TMEM132C: variants seen among roughly 807,000 people sequenced by gnomAD.
TMEM132C encodes the protein protein phosphatase 1, regulatory subunit 152.
In TMEM132C, 29 loss-of-function variants were observed where a neutral mutation model predicts 61.4. The observed-to-expected ratio is 0.47, with a 90% CI of 0.35 to 0.64. The LOEUF is 0.64. Among genes scored for constraint, TMEM132C ranks in the 30% least tolerant of loss-of-function variants. The pLI is 0.00. For synonymous variants in TMEM132C, 656 were observed against 633.1 expected (o/e 1.04, Z -0.54); for missense variants, 1,408 against 1,476.9 (o/e 0.95, Z 0.76).
chr12:128,489,562 CATAT>C (rs10654008), intron 2 of TMEM132C, among the ~76,000 whole-genome samples: 5 of 138,346 alleles, frequency 3.6e-5, no homozygotes, highest in South Asian at 2.4e-4. Flanking sequence ...TTTATATGCT[CATAT>C]ATATATATAT....
chr12:128,512,245 T>C (rs1872589104), intron 2 of TMEM132C, among the ~76,000 whole-genome samples: 1 of 152,162 alleles, frequency 6.6e-6, no homozygotes, highest in South Asian at 2.1e-4. Context: ...GTGCACCTGC[T>C]CCTGGAAGAG....
Position 128,706,129 on chromosome 12 carries a change from T to A in TMEM132C, c.3161T>A (p.Val1054Glu). 1 of 1,551,466 alleles carries A rather than the reference T, an allele frequency of 6.4e-7. No individual in the cohort carries two copies. Among genetic ancestry groups the A allele is most frequent in the Non-Finnish European group, 8.7e-7 (1 of 1,146,948 alleles). Reference sequence around the variant, plus strand: ...TCGCCCACCTCCAAGAGGAAGAAGGTGAAATTTACCACCTTTACCACCATC... The same window carrying A: ...TCGCCCACCTCCAAGAGGAAGAAGGAGAAATTTACCACCTTTACCACCATC... ...LHSPTSKRKKVKFTTFTTIPP... is the reference protein window; with the variant it reads ...LHSPTSKRKKEKFTTFTTIPP... Residue 1054 changes from valine to glutamate, a missense_variant, in exon 9 of 9, where the codon GTG (valine) becomes GAG (glutamate). Transcript: ENST00000435159.
chr12:128,283,337 T>C (rs1453834672), intron 1 of TMEM132C, among the ~76,000 whole-genome samples: 1 of 152,172 alleles, frequency 6.6e-6, no homozygotes, highest in Non-Finnish European at 1.5e-5. Flanking sequence ...AGTTTTGGAA[T>C]CAGTTCAGTT....
At chr12:128,702,086 G>C (rs1376026963) in intron 8 of TMEM132C, among the ~76,000 whole-genome samples, 1 of 151,808 alleles carries the variant, frequency 6.6e-6, no homozygotes, top group East Asian at 1.9e-4. Context: ...TTTTTGTAGA[G>C]ATGGGGTTTC....
chr12:128,543,287 C>T (rs1201423623), intron 2 of TMEM132C, among the ~76,000 whole-genome samples: 2 of 152,164 alleles, frequency 1.3e-5, no homozygotes, highest in African/African-American at 2.4e-5. Context: ...AATCTCTTTA[C>T]ATCTATTTAA....
Position 128,425,219 on chromosome 12 carries a change from G to A in TMEM132C, c.974+9599G>A, listed in dbSNP as rs140935066. 1.1e-3 allele frequency among the ~76,000 whole-genome samples: 175 copies of A among 152,328 alleles called. 1 individual carries two copies. Among genetic ancestry groups the A allele is most frequent in the Non-Finnish European group, 2.1e-3 (142 of 68,034 alleles). ...AAGACACTATCTCCATGATGCAGAC[G>A]CAGTTCTGATGCAAACTCCCCACCT... On this transcript the variant is annotated intron_variant, in intron 2 of 8. Transcript: ENST00000435159.
chr12:128,665,290 C>A (rs1021779827), intron 4 of TMEM132C, among the ~76,000 whole-genome samples: 1 of 135,854 alleles, frequency 7.4e-6, no homozygotes, highest in Admixed American at 6.9e-5. Context: ...CACACACAGG[C>A]ACTCACACAT....
At chr12:128,546,250 C>G (rs78587986) in intron 3 of TMEM132C, among the ~76,000 whole-genome samples, 5,708 of 152,216 alleles carry the variant, frequency 0.037, 134 homozygotes, top group Non-Finnish European at 0.044. Flanking sequence ...TCCCTTGTTC[C>G]AAGCAGGAGA....
chr12:128,581,356 T>C (rs1875328932), intron 3 of TMEM132C, among the ~76,000 whole-genome samples: 1 of 152,120 alleles, frequency 6.6e-6, no homozygotes, highest in Non-Finnish European at 1.5e-5. Context: ...TGAACAAATG[T>C]GCAGCATATG....
chr12:128,575,531 G>A (rs371607024), intron 3 of TMEM132C, among the ~76,000 whole-genome samples: 7 of 152,170 alleles, frequency 4.6e-5, no homozygotes, highest in African/African-American at 1.7e-4. Context: ...TTTACTTAAC[G>A]ATTCATGAGT....
At chr12:128,318,516 T>C (rs768341029) in intron 1 of TMEM132C, among the ~76,000 whole-genome samples, 8 of 152,226 alleles carry the variant, frequency 5.3e-5, no homozygotes, top group Non-Finnish European at 8.8e-5. Flanking sequence ...TTGTGGTGCA[T>C]GACATCACTA....
intron 4 of TMEM132C, among the ~76,000 whole-genome samples, chr12:128,621,488 G>C (rs1427601098): frequency 6.6e-6 from 1 of 152,240 alleles, no homozygotes; most frequent in Non-Finnish European, 1.5e-5. Context: ...GCAAAGACTA[G>C]CTGGCAACAT....
intron 1 of TMEM132C, among the ~76,000 whole-genome samples, chr12:128,338,598 C>T (rs867819806): frequency 4.6e-5 from 7 of 151,974 alleles, no homozygotes; most frequent in Admixed American, 3.3e-4. Flanking sequence ...GCTGAATAGA[C>T]GGGTAAAGAG....
In TMEM132C at chr12:128,392,523, G is replaced by A. The variant is rs949314953; in HGVS notation, c.86-22209G>A. The stretch of plus-strand genomic sequence containing the variant: ...CCTGACCCCAGAACGTCATGAAGGA[G>A]CAAAGTGTGTAGTCCAGGTGAAGGA... On this transcript the variant is annotated intron_variant, in intron 1 of 8. Transcript: ENST00000435159. Among the ~76,000 whole-genome samples, 7 of 152,212 alleles carry A rather than the reference G, an allele frequency of 4.6e-5. No individual in the cohort carries two copies. In the South Asian group the frequency reaches 6.2e-4, roughly 14 times the overall value.
intron 1 of TMEM132C, among the ~76,000 whole-genome samples, chr12:128,299,457 A>G (rs1167107832): frequency 1.3e-5 from 2 of 152,294 alleles, no homozygotes; most frequent in African/African-American, 2.4e-5. Context: ...TATTGATGGC[A>G]TGGCTACTGA....
chr12:128,492,157 A>G (rs979881408), intron 2 of TMEM132C, among the ~76,000 whole-genome samples: 1 of 152,134 alleles, frequency 6.6e-6, no homozygotes, highest in Non-Finnish European at 1.5e-5. Context: ...AGCTTCATCC[A>G]TGTCCCTACA....
At chr12:128,521,694 A>T (rs1176527421) in intron 2 of TMEM132C, among the ~76,000 whole-genome samples, 1 of 152,130 alleles carries the variant, frequency 6.6e-6, no homozygotes, top group African/African-American at 2.4e-5. Flanking sequence ...ACTTGGCTAG[A>T]TTTCCCTTGT....
At chr12:128,701,850 AC>A (rs1954805647) in intron 8 of TMEM132C, among the ~76,000 whole-genome samples, 1 of 150,422 alleles carries the variant, frequency 6.6e-6, no homozygotes, top group South Asian at 2.1e-4. Flanking sequence ...TAGAAATTCT[AC>A]GTGGCTCTTT....
intron 4 of TMEM132C, among the ~76,000 whole-genome samples, chr12:128,659,330 A>C (rs1423404582): frequency 1.3e-5 from 2 of 152,206 alleles, no homozygotes; most frequent in Non-Finnish European, 2.9e-5. Flanking sequence ...GCCATTACAG[A>C]CACCTGCTCT....
Sources: allele counts gnomAD v4.1 joint callset (sites outside exome capture counted in the v4.1 genomes callset), GRCh38; gene constraint gnomAD v4.1.1; transcripts MANE v1.5; gene names NCBI Gene and HGNC (gene_info 2026-07-23, HGNC 2026-07-21).